Variants in MGST2 observed in about 807,000 individuals in gnomAD.
The protein encoded by MGST2 is microsomal glutathione S-transferase 2, also known as glutathione peroxidase MGST2.
Under a neutral mutation model 16.6 loss-of-function variants are expected in MGST2, and 9 were observed. That is an observed-to-expected ratio of 0.54 (90% CI 0.33 to 0.95). MGST2 has a LOEUF of 0.95. Ranked by LOEUF, MGST2 falls within the 40% of genes least tolerant of loss-of-function variation. The pLI is 0.03. For synonymous variants in MGST2, 79 were observed against 68.0 expected (o/e 1.16, Z -0.79); for missense variants, 159 against 175.1 (o/e 0.91, Z 0.52).
rs1728128197 is a variant in MGST2 at position 139,719,374 on chromosome 4, C to T, written c.*48+15178C>T. 3 of 1,611,312 alleles carry T rather than the reference C, an allele frequency of 1.9e-6. No homozygotes were observed. In the African/African-American group the frequency reaches 4.0e-5, roughly 22 times the overall value. ...GCTCCTGCATCCACTCGTCCCCTGG[C>T]CCGCCTTTGATGATGGAGTCCACAA... On this transcript the variant is annotated intron_variant, in intron 5 of 5. Coordinates refer to the MGST2 transcript ENST00000616265.
intron 1 of MGST2, among the ~76,000 whole-genome samples, chr4:139,669,349 TG>T (rs889749960): frequency 5.9e-5 from 9 of 152,226 alleles, no homozygotes; most frequent in African/African-American, 2.2e-4. Flanking sequence ...CTGATGTTCA[TG>T]GAGTCGGGAC....
chr4:139,705,518 A>C (rs542102979), downstream of MGST2: 1 of 152,066 alleles, frequency 6.6e-6, no homozygotes, highest in Non-Finnish European at 1.5e-5. Context: ...GTTTTTTTTT[A>C]ATCTCATAAG....
At chr4:139,734,209 G>A (rs1728837667) in intron 5 of MGST2, among the ~76,000 whole-genome samples, 1 of 152,262 alleles carries the variant, frequency 6.6e-6, no homozygotes, top group East Asian at 1.9e-4. Context: ...GTCTCAGAGG[G>A]CTTAATGAGA....
intron 5 of MGST2, among the ~76,000 whole-genome samples, chr4:139,736,122 ACACTCACT>A (rs552005476): frequency 3.3e-5 from 5 of 152,224 alleles, no homozygotes; most frequent in Admixed American, 3.3e-4. Flanking sequence ...ACATACACAC[ACACTCACT>A]CACTCACTCA....
intron 1 of MGST2, among the ~76,000 whole-genome samples, chr4:139,672,857 ATTTACACAC>A (rs1450755625): frequency 2.0e-5 from 3 of 152,182 alleles, no homozygotes; most frequent in African/African-American, 7.2e-5. Flanking sequence ...CCCGGACAGC[ATTTACACAC>A]TTTAGATATT....
At chr4:139,687,440 A>G (rs1731625863) in intron 2 of MGST2, among the ~76,000 whole-genome samples, 1 of 152,198 alleles carries the variant, frequency 6.6e-6, no homozygotes, top group African/African-American at 2.4e-5. Flanking sequence ...CCCTGGGATA[A>G]CCAGTTCAGT....
intron 5 of MGST2, chr4:139,730,394 A>G (rs1317630431): frequency 6.5e-7 from 1 of 1,545,246 alleles, no homozygotes; most frequent in South Asian, 1.2e-5. Context: ...GAATGAATGA[A>G]TCACGCCAAG....
chr4:139,729,680 G>T (rs570787818), intron 5 of MGST2, among the ~76,000 whole-genome samples: 1 of 152,286 alleles, frequency 6.6e-6, no homozygotes, highest in East Asian at 1.9e-4. Flanking sequence ...GCTAAGTCAG[G>T]TATGGGCATC....
In MGST2 at chr4:139,735,705, G is replaced by A. The variant is rs569490596; in HGVS notation, c.*49-4507G>A. Among the ~76,000 whole-genome samples, 50 of 152,302 alleles carry A rather than the reference G, an allele frequency of 3.3e-4. 1 individual carries two copies. In the South Asian group the frequency reaches 4.1e-3, roughly 13 times the overall value. ...CCCCTGGGGCCTAATTTAGCCTCTC[G>A]ACTCCAGCCTATATGCTTACAAGTC... On this transcript the variant is annotated intron_variant, in intron 5 of 5. Coordinates refer to the MGST2 transcript ENST00000616265. The surrounding 1 kb of genome is among the most constrained non-coding windows in gnomAD (Gnocchi z 5.8).
At chr4:139,698,993 A>G (rs1450885248) in intron 3 of MGST2, among the ~76,000 whole-genome samples, 1 of 152,226 alleles carries the variant, frequency 6.6e-6, no homozygotes, top group Non-Finnish European at 1.5e-5. Context: ...CAGCACCACT[A>G]GTAGCAATCT....
chr4:139,704,023 G>A lies in MGST2; in HGVS notation c.319G>A (p.Gly107Ser), dbSNP rs760828419. ...CTCATGTCCACTCTGCAGGATCACC[G>A]GTTTCCGACTGAGTCTGGGGATTTT... ...YSEAAKKRITGFRLSLGILAL... is the reference protein window; with the variant it reads ...YSEAAKKRITSFRLSLGILAL... Residue 107 changes from glycine to serine, a missense_variant, in exon 5 of 5, where the codon GGT becomes AGT. By Grantham distance (56) the Gly-to-Ser change is moderately conservative (BLOSUM62 0). Coordinates refer to ENST00000265498, the MANE Select transcript of MGST2 (RefSeq NM_002413.5). 11 of 1,614,100 alleles carry A rather than the reference G, an allele frequency of 6.8e-6. No individual in the cohort carries two copies. Among genetic ancestry groups the A allele is most frequent in the Middle Eastern group, 1.6e-4 (1 of 6,062 alleles).
chr4:139,666,924 T>C lies in MGST2; in HGVS notation c.58+847T>C, dbSNP rs74850854. 1.4e-4 allele frequency among the ~76,000 whole-genome samples: 22 copies of C among 152,356 alleles called. No individual in the cohort carries two copies. In the East Asian group the frequency reaches 4.0e-3, roughly 28 times the overall value. Reference sequence around the variant, plus strand: ...CTCCGTGCATGCTCAATGTCTTGCCTAGCCAGTCTGTTTTGAGATTGTATG... The same window carrying C: ...CTCCGTGCATGCTCAATGTCTTGCCCAGCCAGTCTGTTTTGAGATTGTATG... On this transcript the variant is annotated intron_variant, in intron 1 of 4. Transcript: ENST00000265498.
chr4:139,734,500 C>T (rs1205280333), intron 5 of MGST2, among the ~76,000 whole-genome samples: 1 of 152,220 alleles, frequency 6.6e-6, no homozygotes, highest in Non-Finnish European at 1.5e-5. Context: ...TCGCCCAACC[C>T]TCTGACTCTT....
chr4:139,747,919 T>C, the MGST2 span, among the ~76,000 whole-genome samples: 1 of 150,204 alleles, frequency 6.7e-6, no homozygotes, highest in Non-Finnish European at 1.5e-5. Context: ...CTGGGCATGG[T>C]GGTGGATGCC....
intron 1 of MGST2, among the ~76,000 whole-genome samples, chr4:139,674,927 G>A (rs150413256): frequency 3.3e-5 from 5 of 152,238 alleles, no homozygotes; most frequent in East Asian, 3.9e-4. Context: ...GGTTTAACCC[G>A]TGTGTGTGAT....
chr4:139,741,969 C>T (rs1268210463), downstream of MGST2, among the ~76,000 whole-genome samples: 2 of 151,998 alleles, frequency 1.3e-5, no homozygotes, highest in Non-Finnish European at 2.9e-5. Flanking sequence ...ATTTTCTTAA[C>T]CTTGAAAGAC....
At chr4:139,669,989 C>T (rs1412369197) in intron 1 of MGST2, among the ~76,000 whole-genome samples, 4 of 152,118 alleles carry the variant, frequency 2.6e-5, no homozygotes, top group African/African-American at 9.7e-5. Context: ...TGGGAAAGTT[C>T]GTCCAGGTGT....
chr4:139,684,142 T>A (rs1240619484), intron 2 of MGST2, among the ~76,000 whole-genome samples: 1 of 152,110 alleles, frequency 6.6e-6, no homozygotes, highest in Non-Finnish European at 1.5e-5. Context: ...ACTGGGCTGG[T>A]CTTGAATGCC....
intron 5 of MGST2, chr4:139,720,258 G>C: frequency 1.9e-6 from 3 of 1,596,272 alleles, no homozygotes; most frequent in Non-Finnish European, 2.6e-6. Flanking sequence ...TGTGCCATCA[G>C]CCGTGACGTT....
Sources: allele counts gnomAD v4.1 joint callset (sites outside exome capture counted in the v4.1 genomes callset), GRCh38; gene constraint gnomAD v4.1.1; non-coding constraint Gnocchi (gnomAD v3.1); transcripts MANE v1.5; gene names NCBI Gene and HGNC (gene_info 2026-07-23, HGNC 2026-07-21).